Variants in DMD observed in about 807,000 individuals in gnomAD.
DMD encodes the protein dystrophin, also known as mutant dystrophin.
DMD carries 63 observed loss-of-function variants against 330.1 expected under a neutral mutation model. The observed-to-expected ratio is 0.19, with a 90% CI of 0.16 to 0.24. The LOEUF (loss-of-function observed/expected upper bound fraction) is 0.24. Among genes scored for constraint, DMD ranks in the 10% least tolerant of loss-of-function variants. DMD has a pLI of 1.00. For synonymous variants in DMD, 1,223 were observed against 959.8 expected (o/e 1.27, Z -5.07); for missense variants, 3,344 against 2,684.1 (o/e 1.25, Z -5.43).
At chrX:32,173,120 T>C (rs1052047927) in intron 44 of DMD, among the ~76,000 whole-genome samples, 1 of 106,454 alleles carries the variant, frequency 9.4e-6, no homozygotes, top group Non-Finnish European at 1.9e-5. Flanking sequence ...TGTGTACTTT[T>C]ACATTTTCAG....
intron 71 of DMD, among the ~76,000 whole-genome samples, chrX:31,176,613 T>G (rs1209622171): frequency 9.0e-6 from 1 of 111,382 alleles, no homozygotes; most frequent in Non-Finnish European, 1.9e-5. Context: ...AAGCTGAAAC[T>G]GTAGTGTATC....
intron 22 of DMD, among the ~76,000 whole-genome samples, chrX:32,470,171 G>T (rs922864073): frequency 9.1e-6 from 1 of 109,587 alleles, no homozygotes; most frequent in Admixed American, 9.8e-5. Flanking sequence ...TTATTCATAG[G>T]TTTATTATTC....
chrX:31,730,870 T>C (rs1329747532), intron 51 of DMD, among the ~76,000 whole-genome samples: 1 of 111,479 alleles, frequency 9.0e-6, no homozygotes, highest in Non-Finnish European at 1.9e-5. Flanking sequence ...GAGATGAAAG[T>C]GGTAGATAGT....
At chrX:32,626,236 C>T (rs892524702) in intron 11 of DMD, among the ~76,000 whole-genome samples, 23 of 111,520 alleles carry the variant, frequency 2.1e-4, no homozygotes, top group East Asian at 8.5e-4. Flanking sequence ...TTTGGGAGGC[C>T]GAGGTGGCTG....
At chrX:32,327,808 T>G (rs2097658838) in intron 41 of DMD, among the ~76,000 whole-genome samples, 1 of 111,901 alleles carries the variant, frequency 8.9e-6, no homozygotes, top group African/African-American at 3.2e-5. Context: ...CAATTTTCAC[T>G]CCATTTTAGA....
intron 17 of DMD, among the ~76,000 whole-genome samples, chrX:32,537,148 A>G (rs1287939119): frequency 8.1e-5 from 9 of 111,681 alleles, no homozygotes; most frequent in Non-Finnish European, 1.3e-4. Flanking sequence ...CCATTCTTAG[A>G]GACTATGATG....
At chrX:33,059,836 T>C (rs982483295) in intron 1 of DMD, among the ~76,000 whole-genome samples, 3 of 111,906 alleles carry the variant, frequency 2.7e-5, no homozygotes, top group Non-Finnish European at 5.6e-5. Context: ...AAATCATATG[T>C]ACCCTTCATT....
intron 32 of DMD, among the ~76,000 whole-genome samples, chrX:32,388,521 G>A (rs187286833): frequency 1.8e-3 from 191 of 107,959 alleles, no homozygotes; most frequent in African/African-American, 5.7e-3. Flanking sequence ...ATATATTATC[G>A]AATAAGAATA....
In DMD at chrX:32,865,790, T is replaced by G. The variant is rs779826662; in HGVS notation, c.94-15970A>C. On this transcript the variant is annotated intron_variant, in intron 2 of 78. Transcript: ENST00000357033. ...TGGCACTGTTTACCAATTATTTGCA[T>G]GCAAAAATATTTGGCAAGGAAGCCA... 3.5e-4 allele frequency among the ~76,000 whole-genome samples: 40 copies of G among 112,916 alleles called. No homozygotes were observed. The South Asian group carries it at 0.014, about 38-fold the overall frequency.
chrX:31,444,688 T>C (rs890428008), intron 59 of DMD, 61 bp from the exon 60 acceptor site: 19 of 1,133,052 alleles, frequency 1.7e-5, no homozygotes, highest in Non-Finnish European at 2.3e-5. Flanking sequence ...GAAGAACTGA[T>C]ACCTGGGCTT....
intron 62 of DMD, among the ~76,000 whole-genome samples, chrX:31,266,175 A>AAAAAAAAAAAAAAAC (rs2051069145): frequency 9.7e-6 from 1 of 103,248 alleles, no homozygotes; most frequent in Non-Finnish European, 2.0e-5. Flanking sequence ...AAAAAAAAAA[A>AAAAAAAAAAAAAAAC]AAAAAAAAGC....
chrX:32,564,757 C>G (rs1009965564), intron 16 of DMD, among the ~76,000 whole-genome samples: 1 of 111,579 alleles, frequency 9.0e-6, no homozygotes, highest in Non-Finnish European at 1.9e-5. Context: ...GGCAATACTA[C>G]AAACTTCATG....
chrX:32,782,019 C>A (rs897790244), intron 7 of DMD, among the ~76,000 whole-genome samples: 3 of 111,335 alleles, frequency 2.7e-5, no homozygotes, highest in Admixed American at 1.9e-4. Context: ...ATTATTGTTG[C>A]TTGTCTAATC....
chrX:31,734,404 G>T (rs2086724336), intron 51 of DMD, among the ~76,000 whole-genome samples: 1 of 110,929 alleles, frequency 9.0e-6, no homozygotes, highest in South Asian at 3.8e-4. Flanking sequence ...TCTATATTCA[G>T]AGTATGACAA....
intron 60 of DMD, among the ~76,000 whole-genome samples, chrX:31,362,203 C>T (rs1007332608): frequency 1.8e-4 from 20 of 111,978 alleles, no homozygotes; most frequent in South Asian, 3.7e-4. Context: ...GGGCTAGTAT[C>T]GCTATTGTTC....
intron 2 of DMD, among the ~76,000 whole-genome samples, chrX:32,867,064 G>T (rs900442151): frequency 9.0e-6 from 1 of 110,619 alleles, no homozygotes; most frequent in African/African-American, 3.3e-5. Flanking sequence ...GCTACCTTTC[G>T]TAAGACTTAG....
intron 63 of DMD, among the ~76,000 whole-genome samples, chrX:31,233,294 T>C (rs1034789531): frequency 3.6e-5 from 4 of 111,573 alleles, no homozygotes; most frequent in African/African-American, 1.3e-4. Context: ...TTTACCCCAA[T>C]CTCCTTCAAC....
At position 33,237,305 on chromosome X, in the gene DMD, G is replaced by A. The variant is rs748240302; in HGVS notation, c.7+101954C>T. 1.7e-4 allele frequency among the ~76,000 whole-genome samples: 18 copies of A among 105,143 alleles called. No homozygotes were observed. The South Asian group carries it at 5.7e-3, about 33-fold the overall frequency. 91.3% of individuals were successfully genotyped at this position (105,143 alleles called of 115,157 possible). A position where few individuals can be genotyped will look rare whatever the true frequency, so the allele number is the denominator to read the frequency against. ...GTTGCCCAGGCTGGAGTACAATGGC[G>A]CGATCTCGGCTCACTGCAACCTGTG... On this transcript the variant is annotated intron_variant, in intron 1 of 17. Coordinates refer to the DMD transcript ENST00000288447.
At chrX:32,637,195 A>G (rs2059159171) in intron 11 of DMD, among the ~76,000 whole-genome samples, 1 of 111,027 alleles carries the variant, frequency 9.0e-6, no homozygotes, top group African/African-American at 3.3e-5. Flanking sequence ...TAATGTTGAC[A>G]CTCTGAAATT....
Sources: allele counts gnomAD v4.1 joint callset (sites outside exome capture counted in the v4.1 genomes callset), GRCh38; gene constraint gnomAD v4.1.1; transcripts MANE v1.5; gene names NCBI Gene and HGNC (gene_info 2026-07-23, HGNC 2026-07-21).